Variants in FMN1 observed in about 807,000 individuals in gnomAD.
FMN1 encodes formin-1.
In FMN1, 110 loss-of-function variants were observed where a neutral mutation model predicts 132.4. The ratio of observed to expected loss-of-function variants is 0.83; its 90% CI spans 0.71 to 0.97. The LOEUF is 0.97. Ranked by LOEUF, FMN1 falls within the 50% of genes least tolerant of loss-of-function variation. The pLI, the probability that FMN1 is intolerant of heterozygous loss-of-function variation, is 0.00. For synonymous variants in FMN1, 722 were observed against 651.7 expected (o/e 1.11, Z -1.64); for missense variants, 1,792 against 1,705.3 (o/e 1.05, Z -0.90).
chr15:33,003,251 A>C (rs1009753141), intron 7 of FMN1, among the ~76,000 whole-genome samples: 4 of 152,238 alleles, frequency 2.6e-5, no homozygotes, highest in African/African-American at 9.6e-5. Flanking sequence ...GAAAAGAGAA[A>C]GTCAAATTGT....
intron 17 of FMN1, among the ~76,000 whole-genome samples, chr15:32,854,340 A>C (rs1259407528): frequency 6.6e-6 from 1 of 152,224 alleles, no homozygotes; most frequent in African/African-American, 2.4e-5. Context: ...GTTTTGACAA[A>C]ATGAGTTAAG....
chr15:32,974,335 T>G (rs2032029804), intron 7 of FMN1, among the ~76,000 whole-genome samples: 1 of 152,210 alleles, frequency 6.6e-6, no homozygotes, highest in Non-Finnish European at 1.5e-5. Context: ...CTACCTTCCT[T>G]TACTCTTAAT....
chr15:32,834,699 G>A (rs2058583901), intron 17 of FMN1, among the ~76,000 whole-genome samples: 1 of 152,184 alleles, frequency 6.6e-6, no homozygotes, highest in African/African-American at 2.4e-5. Context: ...GGCAGCAGCA[G>A]CAAGAAGTGA....
At chr15:33,128,101 G>A (rs977337974) in intron 4 of FMN1, among the ~76,000 whole-genome samples, 2 of 152,050 alleles carry the variant, frequency 1.3e-5, no homozygotes, top group Non-Finnish European at 2.9e-5. Context: ...AATGAGGCCA[G>A]AAGAAGGGAG....
intron 7 of FMN1, among the ~76,000 whole-genome samples, chr15:32,989,177 A>G (rs566630010): frequency 6.6e-6 from 1 of 152,314 alleles, no homozygotes; most frequent in African/African-American, 2.4e-5. Context: ...ATTAATTTAT[A>G]GACTAATGCA....
At chr15:33,059,656 T>C (rs2037392882) in intron 6 of FMN1, among the ~76,000 whole-genome samples, 2 of 152,264 alleles carry the variant, frequency 1.3e-5, no homozygotes, top group South Asian at 4.1e-4. Flanking sequence ...TCATAATTAT[T>C]ACACATAATT....
At chr15:32,920,485 C>G (rs577404719) in intron 10 of FMN1, among the ~76,000 whole-genome samples, 2 of 152,286 alleles carry the variant, frequency 1.3e-5, no homozygotes, top group African/African-American at 2.4e-5. Flanking sequence ...TACAAGACAT[C>G]AAACACTATC....
intron 4 of FMN1, among the ~76,000 whole-genome samples, chr15:33,118,814 A>AT (rs1962276698): frequency 6.6e-6 from 1 of 152,124 alleles, no homozygotes; most frequent in Non-Finnish European, 1.5e-5. Flanking sequence ...GAATGGTATA[A>AT]AATCTTTAAA....
At chr15:32,801,842 T>C (rs545271034) in intron 18 of FMN1, among the ~76,000 whole-genome samples, 1 of 152,288 alleles carries the variant, frequency 6.6e-6, no homozygotes, top group Admixed American at 6.5e-5. Flanking sequence ...TTGATTTCAT[T>C]GTTATTCCAC....
At chr15:33,046,813 T>C (rs1003826374) in intron 6 of FMN1, among the ~76,000 whole-genome samples, 3 of 150,410 alleles carry the variant, frequency 2.0e-5, no homozygotes, top group Non-Finnish European at 3.0e-5. Context: ...CTGTAAACTT[T>C]TGATTAATGG....
At chr15:33,071,855 C>G (rs1020184078) in intron 5 of FMN1, among the ~76,000 whole-genome samples, 1 of 152,188 alleles carries the variant, frequency 6.6e-6, no homozygotes, top group Non-Finnish European at 1.5e-5. Context: ...AAAAATGAAT[C>G]TCTTTAAAGC....
chr15:33,032,188 G>A (rs938595259), intron 6 of FMN1, among the ~76,000 whole-genome samples: 2 of 152,212 alleles, frequency 1.3e-5, no homozygotes, highest in African/African-American at 4.8e-5. Context: ...AGTTAGGAAA[G>A]AGAAAAGCAG....
intron 3 of FMN1, among the ~76,000 whole-genome samples, chr15:33,165,451 C>T (rs980425223): frequency 2.6e-5 from 4 of 152,138 alleles, no homozygotes; most frequent in East Asian, 1.9e-4. Context: ...AGTGCAGTGG[C>T]GCGATCTCGG....
At chr15:33,086,374 A>G (rs536671109) in intron 5 of FMN1, among the ~76,000 whole-genome samples, 1 of 106,894 alleles carries the variant, frequency 9.4e-6, no homozygotes, top group Non-Finnish European at 2.1e-5. Context: ...ACAAAAAAAA[A>G]TTTATCAAAT....
chr15:32,872,539 A>G (rs1177976128), intron 16 of FMN1, among the ~76,000 whole-genome samples: 3 of 152,238 alleles, frequency 2.0e-5, no homozygotes, highest in African/African-American at 7.2e-5. Flanking sequence ...TTTTGTGGCA[A>G]TTTTTACTAG....
Position 32,781,145 on chromosome 15 carries a change from GCTAT to G in FMN1, c.4131-4230_4131-4227del, listed in dbSNP as rs552680027. The stretch of plus-strand genomic sequence containing the variant: ...GGTAGTGGGAATATGGGTGTGATAT[GCTAT>G]CTTTTATATTTTTATTTTTAAAATT... On this transcript the variant is annotated intron_variant, in intron 19 of 20. Coordinates refer to ENST00000616417, the MANE Select transcript of FMN1 (RefSeq NM_001277313.2). Among the ~76,000 whole-genome samples, 629 of 152,240 alleles carry G rather than the reference GCTAT, an allele frequency of 4.1e-3. 2 individuals are homozygous for G. Among genetic ancestry groups the G allele is most frequent in the African/African-American group, 0.014 (595 of 41,544 alleles).
At chr15:32,933,134 T>A (rs1207746838) in intron 9 of FMN1, among the ~76,000 whole-genome samples, 1 of 152,204 alleles carries the variant, frequency 6.6e-6, no homozygotes, top group Non-Finnish European at 1.5e-5. Context: ...TTACTCTTAG[T>A]ACTGCTTTTA....
At position 32,768,964 on chromosome 15, in the gene FMN1, A is replaced by G. The variant is rs2056138738; in HGVS notation, c.*5346T>C. 6.6e-6 allele frequency: 1 copy of G among 152,048 alleles called. No individual in the cohort carries two copies. The highest frequency in any genetic ancestry group is 2.4e-5 in the African/African-American group (1 of 41,400). 9.4% of individuals were successfully genotyped at this position (152,048 alleles called of 1,614,324 possible). On this transcript the variant is annotated 3_prime_UTR_variant, in exon 21 of 21. Coordinates refer to ENST00000616417, the MANE Select transcript of FMN1 (RefSeq NM_001277313.2). ...CTTGACTGAAGGACACGATCCTATC[A>G]GAGAAAGGTAAGAGAGAAAAGGTCT...
At chr15:32,868,435 A>G (rs968091267) in intron 16 of FMN1, among the ~76,000 whole-genome samples, 13 of 152,202 alleles carry the variant, frequency 8.5e-5, no homozygotes, top group Non-Finnish European at 1.6e-4. Context: ...AGGCTATACC[A>G]TCTAGCTTAG....
Sources: gnomAD v4.1 joint callset for allele counts (sites outside exome capture counted in the v4.1 genomes callset) on GRCh38, gnomAD v4.1.1 for gene constraint, MANE v1.5 for transcripts, NCBI Gene and HGNC (gene_info 2026-07-23, HGNC 2026-07-21) for gene names.